The following ZNF385D variants were observed in gnomAD, a reference collection of about 807,000 sequenced individuals.
The protein encoded by ZNF385D is zinc finger protein 385D, also known as zinc finger protein 659.
Under a neutral mutation model 35.8 loss-of-function variants are expected in ZNF385D, and 15 were observed. The observed-to-expected ratio is 0.42, with a 90% CI of 0.28 to 0.64. The LOEUF (loss-of-function observed/expected upper bound fraction) is 0.64, where lower values mean the gene tolerates loss of function less well. Ranked by LOEUF, ZNF385D falls within the 30% of genes least tolerant of loss-of-function variation. ZNF385D has a pLI of 0.23. For missense variants in ZNF385D, 474 were observed against 494.6 expected, an observed-to-expected ratio of 0.96 and a Z score of 0.39; for synonymous variants, 212 against 186.8, an observed-to-expected ratio of 1.13 and a Z score of -1.10.
intron 3 of ZNF385D, among the ~76,000 whole-genome samples, chr3:21,887,527 A>G (rs776859117): frequency 2.6e-5 from 4 of 152,176 alleles, no homozygotes; most frequent in Non-Finnish European, 5.9e-5. Flanking sequence ...TTTAAAAATT[A>G]TTATATGTCA....
At chr3:21,951,317 G>A (rs1261268577) in intron 3 of ZNF385D, among the ~76,000 whole-genome samples, 3 of 151,608 alleles carry the variant, frequency 2.0e-5, no homozygotes, top group Admixed American at 2.0e-4. Context: ...AATTGTGAAT[G>A]GGAGTTCTCT....
At chr3:22,368,095 A>G (rs1696737049) in intron 2 of ZNF385D, among the ~76,000 whole-genome samples, 1 of 152,242 alleles carries the variant, frequency 6.6e-6, no homozygotes, top group African/African-American at 2.4e-5. Context: ...GTTTTGGTAG[A>G]TATATTTCCA....
chr3:21,766,444 C>T (rs192086673), intron 3 of ZNF385D, among the ~76,000 whole-genome samples: 37 of 152,150 alleles, frequency 2.4e-4, no homozygotes, highest in Middle Eastern at 3.4e-3. Flanking sequence ...TATTAAAGCA[C>T]GGTCAGAACA....
At chr3:22,240,171 A>G (rs1344179670) in intron 2 of ZNF385D, among the ~76,000 whole-genome samples, 1 of 116,446 alleles carries the variant, frequency 8.6e-6, no homozygotes, top group Non-Finnish European at 1.7e-5. Flanking sequence ...TGACAAAGCG[A>G]GACCCTGTCT....
chr3:22,218,369 A>G (rs1015617509), intron 2 of ZNF385D, among the ~76,000 whole-genome samples: 7 of 151,982 alleles, frequency 4.6e-5, no homozygotes, highest in African/African-American at 1.4e-4. Context: ...CAGAAATACA[A>G]TTGACTTTTG....
chr3:22,147,234 C>G (rs543150718), intron 3 of ZNF385D, among the ~76,000 whole-genome samples: 1 of 152,284 alleles, frequency 6.6e-6, no homozygotes, highest in Non-Finnish European at 1.5e-5. Flanking sequence ...CCATTTCATT[C>G]TCTCCTGGTA....
At chr3:21,661,787 A>G (rs2066244087) in intron 2 of ZNF385D, among the ~76,000 whole-genome samples, 1 of 152,110 alleles carries the variant, frequency 6.6e-6, no homozygotes, top group Non-Finnish European at 1.5e-5. Flanking sequence ...GTCTTATTTT[A>G]TACCTATAAC....
chr3:22,249,600 G>A (rs1203980200), intron 2 of ZNF385D, among the ~76,000 whole-genome samples: 2 of 152,186 alleles, frequency 1.3e-5, no homozygotes, highest in African/African-American at 4.8e-5. Context: ...AGGTCAGACA[G>A]GCTGATTCGT....
intron 3 of ZNF385D, 98 bp from the exon 4 acceptor site, chr3:21,511,121 A>G: frequency 6.8e-7 from 1 of 1,464,146 alleles, no homozygotes; most frequent in Non-Finnish European, 9.3e-7. Flanking sequence ...AATAACAGGT[A>G]CCATTCGAGC....
intron 2 of ZNF385D, among the ~76,000 whole-genome samples, chr3:22,228,096 G>A (rs889861813): frequency 6.6e-6 from 1 of 152,162 alleles, no homozygotes; most frequent in Non-Finnish European, 1.5e-5. Flanking sequence ...TGACAGAGAG[G>A]CAAGATGGTA....
At chr3:22,119,447 TTTTG>T (rs1303699535) in intron 3 of ZNF385D, among the ~76,000 whole-genome samples, 2 of 152,162 alleles carry the variant, frequency 1.3e-5, no homozygotes, top group South Asian at 2.1e-4. Flanking sequence ...GGGAATATGC[TTTTG>T]TTTGTGAATG....
chr3:22,316,204 C>G (rs943887115), intron 2 of ZNF385D, among the ~76,000 whole-genome samples: 8 of 152,210 alleles, frequency 5.3e-5, no homozygotes, highest in African/African-American at 1.9e-4. Context: ...CAGCAGCACA[C>G]ATTCCCTACT....
At chr3:21,844,968 C>T (rs1695907986) in intron 3 of ZNF385D, among the ~76,000 whole-genome samples, 2 of 151,718 alleles carry the variant, frequency 1.3e-5, no homozygotes, top group South Asian at 4.1e-4. Flanking sequence ...CACTTTAAAA[C>T]ATGTGTTGAT....
intron 3 of ZNF385D, among the ~76,000 whole-genome samples, chr3:22,062,845 C>T (rs1699759556): frequency 6.6e-6 from 1 of 152,160 alleles, no homozygotes; most frequent in Non-Finnish European, 1.5e-5. Context: ...TGCTAAGTAA[C>T]AGAGGTCTCC....
At chr3:22,133,844 T>C (rs1275321972) in intron 3 of ZNF385D, 3 of 151,884 alleles carry the variant, frequency 2.0e-5, no homozygotes, top group Non-Finnish European at 4.4e-5. Context: ...TGGAAATTGC[T>C]CTTAGCACCC....
chr3:21,583,683 CTT>C (rs1285001646), intron 2 of ZNF385D, among the ~76,000 whole-genome samples: 1 of 151,670 alleles, frequency 6.6e-6, no homozygotes, highest in Non-Finnish European at 1.5e-5. Context: ...TCTACATAGT[CTT>C]TAAAAGTTTT....
rs575602259 is a variant in ZNF385D at position 21,600,344 on chromosome 3, C to A, written c.166-35660G>T. 2.6e-5 allele frequency among the ~76,000 whole-genome samples: 4 copies of A among 152,054 alleles called. No individual in the cohort carries two copies. The South Asian group carries it at 6.2e-4, about 24-fold the overall frequency. Reference sequence around the variant, plus strand: ...CTCTCTTGGGGTCTGAATCAGGACCCCTTTGTTGTAATACTCCCATTATTA... The same window carrying A: ...CTCTCTTGGGGTCTGAATCAGGACCACTTTGTTGTAATACTCCCATTATTA... On this transcript the variant is annotated intron_variant, in intron 2 of 7. Coordinates refer to ENST00000281523, the MANE Select transcript of ZNF385D (RefSeq NM_024697.3).
At chr3:21,850,908 G>C (rs116677714) in intron 3 of ZNF385D, among the ~76,000 whole-genome samples, 84 of 151,812 alleles carry the variant, frequency 5.5e-4, no homozygotes, top group African/African-American at 2.0e-3. Context: ...ATTCTTTAAA[G>C]AAAAATAAAA....
chr3:21,745,279 A>C (rs907488071), intron 1 of ZNF385D, among the ~76,000 whole-genome samples: 5 of 152,228 alleles, frequency 3.3e-5, no homozygotes, highest in African/African-American at 1.2e-4. Context: ...GGGCAAAAAA[A>C]GAAAAAACTG....
Sources: allele counts gnomAD v4.1 joint callset (sites outside exome capture counted in the v4.1 genomes callset), GRCh38; gene constraint gnomAD v4.1.1; transcripts MANE v1.5; gene names NCBI Gene and HGNC (gene_info 2026-07-23, HGNC 2026-07-21).